Variants in ZZZ3 observed in about 807,000 individuals in gnomAD.
ZZZ3 encodes the protein ZZ-type zinc finger-containing protein 3.
In ZZZ3, 22 loss-of-function variants were observed where a neutral mutation model predicts 95.2. The observed-to-expected ratio is 0.23, with a 90% CI of 0.17 to 0.33. ZZZ3 has a LOEUF of 0.33. ZZZ3 is among the 10% of genes least tolerant of loss of function. The probability of loss-of-function intolerance (pLI) is 1.00; values close to 1 mark genes in which losing one functional copy is unlikely to be tolerated. For missense variants in ZZZ3, 885 were observed against 1,066.5 expected (o/e 0.83, Z 2.37); for synonymous variants, 335 against 358.9 (o/e 0.93, Z 0.75).
Position 77,565,701 on chromosome 1 carries a change from C to T in ZZZ3, c.2651G>A (p.Cys884Tyr), listed in dbSNP as rs761702561. The T allele has an allele frequency of 6.2e-7, 1 of 1,613,738 alleles. No homozygotes were observed. The highest frequency in any genetic ancestry group is 8.5e-7 in the Non-Finnish European group (1 of 1,179,638). The stretch of plus-strand genomic sequence containing the variant: ...ATTGTAACTGGTGCCCTGAGACACA[C>T]AGTAGTCTCTGTCTAAGAATGTCTC... ...RSETFLDRDY[C>Y]VSQGTSYNYL... Residue 884 changes from cysteine (C) to tyrosine (Y), a missense_variant, in exon 15 of 15, where the codon TGT becomes TAT. Coordinates refer to ENST00000370801, the MANE Select transcript of ZZZ3 (RefSeq NM_015534.6).
chr1:77,631,878 C>G lies in ZZZ3; in HGVS notation c.1477G>C (p.Asp493His). Residue 493 changes from aspartate to histidine, a missense_variant, in exon 5 of 15, where the codon GAT (aspartate) becomes CAT (histidine). Physicochemically the swap from Asp to His is moderately conservative, Grantham distance 81 (BLOSUM62 -1). Around this residue, in one of 5 missense-constraint regions of ZZZ3, gnomAD observed 556 missense variants for 652.9 expected, o/e 0.85. Transcript: ENST00000370801. Reference sequence around the variant, plus strand: ...TTGTTGTGTTTCAGTGCCACATGATCTGATTCAAAGTAATAAACATCAGGA... The same window carrying G: ...TTGTTGTGTTTCAGTGCCACATGATGTGATTCAAAGTAATAAACATCAGGA... ...DDPDVYYFES[D>H]HVALKHNKDY... 5 of 1,604,196 alleles carry G rather than the reference C, an allele frequency of 3.1e-6. No individual in the cohort carries two copies. Among genetic ancestry groups the G allele is most frequent in the Non-Finnish European group, 4.3e-6 (5 of 1,174,462 alleles).
intron 12 of ZZZ3, among the ~76,000 whole-genome samples, chr1:77,570,100 TTTTC>T (rs1368892963): frequency 1.3e-5 from 2 of 152,036 alleles, no homozygotes; most frequent in South Asian, 2.1e-4. Flanking sequence ...TATCCTCAGT[TTTTC>T]TTTTTTTTCT....
chr1:77,614,356 T>C (rs1193784868), intron 5 of ZZZ3, among the ~76,000 whole-genome samples: 1 of 152,096 alleles, frequency 6.6e-6, no homozygotes, highest in Non-Finnish European at 1.5e-5. Context: ...CATCTCACAA[T>C]TGAAAAAATG....
At position 77,594,384 on chromosome 1, in the gene ZZZ3, A is replaced by G. The variant is rs563721326; in HGVS notation, c.1506-9729T>C. ...AGGTACACCTATCCCTTTAGTTCTT[A>G]AAATGAATGTCTTATTTTATTATAT... On this transcript the variant is annotated intron_variant, in intron 5 of 14. Coordinates refer to ENST00000370801, the MANE Select transcript of ZZZ3 (RefSeq NM_015534.6). Among the ~76,000 whole-genome samples the G allele has an allele frequency of 2.0e-5, 3 of 152,248 alleles. No homozygotes were observed. In the South Asian group the frequency reaches 6.2e-4, roughly 32 times the overall value.
chr1:77,623,328 G>C (rs972806082), intron 5 of ZZZ3, among the ~76,000 whole-genome samples: 1 of 152,150 alleles, frequency 6.6e-6, no homozygotes, highest in African/African-American at 2.4e-5. Flanking sequence ...AATGCTATCT[G>C]CATAGAGGTC....
rs1660540728 is a variant in ZZZ3, at chr1:77,562,975, C to T, written c.*2665G>A. 1 of 152,208 alleles carries T rather than the reference C, an allele frequency of 6.6e-6. No homozygotes were observed. Among genetic ancestry groups the T allele is most frequent in the Admixed American group, 6.5e-5 (1 of 15,272 alleles). 9.4% of individuals were successfully genotyped at this position (152,208 alleles called of 1,614,324 possible). ...AATTAACTTCTCTCTGGCGAGATTTCCTCATATGACAACAGGATAATAAAT... is the reference window on the plus strand; with the variant it reads ...AATTAACTTCTCTCTGGCGAGATTTTCTCATATGACAACAGGATAATAAAT... On this transcript the variant is annotated 3_prime_UTR_variant, in exon 15 of 15. Transcript: ENST00000370801.
At chr1:77,679,355 G>C (rs1013589115) in intron 1 of ZZZ3, among the ~76,000 whole-genome samples, 1 of 152,146 alleles carries the variant, frequency 6.6e-6, no homozygotes, top group Admixed American at 6.5e-5. Context: ...GCCCAGGCTG[G>C]AGTGCAATGG....
intron 1 of ZZZ3, among the ~76,000 whole-genome samples, chr1:77,659,685 C>CAA (rs573522172): frequency 2.3e-4 from 12 of 53,246 alleles, no homozygotes; most frequent in African/African-American, 5.7e-4. Context: ...GACTCCATCT[C>CAA]AAAAAAAAAA....
intron 1 of ZZZ3, among the ~76,000 whole-genome samples, chr1:77,663,063 C>T (rs971449405): frequency 6.6e-6 from 1 of 151,706 alleles, no homozygotes; most frequent in South Asian, 2.1e-4. Flanking sequence ...CATGATCACG[C>T]TACTGCACTC....
chr1:77,609,670 T>G (rs953216982), intron 5 of ZZZ3, among the ~76,000 whole-genome samples: 2 of 151,956 alleles, frequency 1.3e-5, no homozygotes, highest in African/African-American at 4.8e-5. Context: ...TCAAAAAGAC[T>G]AAAAATAATA....
chr1:77,604,023 C>T (rs1478630154), intron 5 of ZZZ3, among the ~76,000 whole-genome samples: 2 of 152,026 alleles, frequency 1.3e-5, no homozygotes, highest in Non-Finnish European at 2.9e-5. Flanking sequence ...TTAAAAATTA[C>T]TGGGTATGGT....
At chr1:77,581,142 C>A in intron 8 of ZZZ3, 73 bp from the exon 9 acceptor site, 3 of 1,136,248 alleles carry the variant, frequency 2.6e-6, no homozygotes, top group Non-Finnish European at 3.9e-6. Flanking sequence ...AAATAACACG[C>A]AAATTGTGGA....
intron 1 of ZZZ3, among the ~76,000 whole-genome samples, chr1:77,642,886 A>G (rs1668913603): frequency 6.6e-6 from 1 of 152,240 alleles, no homozygotes; most frequent in African/African-American, 2.4e-5. Context: ...ATTAAGAAAC[A>G]TCTATCCTCA....
chr1:77,672,011 C>T (rs113391852), intron 1 of ZZZ3, among the ~76,000 whole-genome samples: 4 of 152,194 alleles, frequency 2.6e-5, no homozygotes, highest in African/African-American at 7.2e-5. Context: ...ATAACAGGCA[C>T]GACCAGAGGG....
At chr1:77,683,354 C>T (rs1214529505), upstream of ZZZ3, 2 of 151,810 alleles carry the variant, frequency 1.3e-5, no homozygotes, top group Admixed American at 6.6e-5. Context: ...CTCGGGTGGC[C>T]ACCGCTGCAG....
intron 1 of ZZZ3, among the ~76,000 whole-genome samples, chr1:77,674,711 G>A (rs1473297381): frequency 6.6e-6 from 1 of 152,042 alleles, no homozygotes. Flanking sequence ...CAGCGCTTTC[G>A]GAGGCCGAGG....
At chr1:77,625,716 A>T (rs961548888) in intron 5 of ZZZ3, among the ~76,000 whole-genome samples, 7 of 152,054 alleles carry the variant, frequency 4.6e-5, no homozygotes, top group Non-Finnish European at 8.8e-5. Context: ...TAAGCCAGGC[A>T]TGGTGGCTCA....
In ZZZ3 at chr1:77,632,934, T is replaced by G; in HGVS notation, c.421A>C (p.Lys141Gln). ...SEEDSPIKSD[K>Q]ESVEQRSTVV... ...GTACTCCTCTGTTCTACTGACTCCT[T>G]GTCTGATTTTATAGGAGAATCTTCT... Residue 141 changes from lysine to glutamine, a missense_variant, in exon 5 of 15, where the codon AAG becomes CAG. By Grantham distance (53) the Lys-to-Gln change is moderately conservative. Around this residue, in one of 5 missense-constraint regions of ZZZ3, gnomAD observed 556 missense variants for 652.9 expected, o/e 0.85. Coordinates refer to ENST00000370801, the MANE Select transcript of ZZZ3 (RefSeq NM_015534.6). 1 of 1,614,150 alleles carries G rather than the reference T, an allele frequency of 6.2e-7. No homozygotes were observed. Among genetic ancestry groups the G allele is most frequent in the Non-Finnish European group, 8.5e-7 (1 of 1,180,022 alleles).
intron 5 of ZZZ3, among the ~76,000 whole-genome samples, chr1:77,613,711 G>C (rs1437089132): frequency 6.6e-6 from 1 of 151,968 alleles, no homozygotes; most frequent in Non-Finnish European, 1.5e-5. Flanking sequence ...CTTTTCTCCT[G>C]ACCTTCTCCA....
Sources: gnomAD v4.1 joint callset for allele counts (sites outside exome capture counted in the v4.1 genomes callset) on GRCh38, gnomAD v4.1.1 for gene constraint, gnomAD v4.1.1 regional missense constraint, MANE v1.5 for transcripts, NCBI Gene and HGNC (gene_info 2026-07-23, HGNC 2026-07-21) for gene names.